Variants in CDKL4 observed in about 807,000 individuals in gnomAD.
CDKL4 encodes cyclin-dependent kinase-like 4.
Under a neutral mutation model 42.0 loss-of-function variants are expected in CDKL4, and 44 were observed. The ratio of observed to expected loss-of-function variants is 1.05; its 90% CI spans 0.82 to 1.35. CDKL4 has a LOEUF of 1.35. Ranked by LOEUF, CDKL4 falls within the 40% of genes most tolerant of loss-of-function variation. The pLI is 0.00. For missense variants in CDKL4, 393 were observed against 369.9 expected, an observed-to-expected ratio of 1.06 and a Z score of -0.51; for synonymous variants, 120 against 121.6, an observed-to-expected ratio of 0.99 and a Z score of 0.09.
upstream of CDKL4, among the ~76,000 whole-genome samples, chr2:39,246,327 A>G (rs574301410): frequency 9.3e-4 from 142 of 152,340 alleles, 1 homozygote; most frequent in African/African-American, 3.0e-3. Flanking sequence ...TAAAATTCAC[A>G]TCTATCCAAT....
At chr2:39,193,668 C>G (rs1676334917) in intron 5 of CDKL4, among the ~76,000 whole-genome samples, 1 of 152,082 alleles carries the variant, frequency 6.6e-6, no homozygotes, top group African/African-American at 2.4e-5. Flanking sequence ...AGCCACTGTG[C>G]CTGGCCCGTT....
chr2:39,242,852 C>G (rs1679728255), intron 1 of CDKL4, among the ~76,000 whole-genome samples: 1 of 151,992 alleles, frequency 6.6e-6, no homozygotes, highest in South Asian at 2.1e-4. Context: ...AATCCCAGCA[C>G]TTTGGGAGGT....
chr2:39,198,313 G>A (rs535346103), intron 5 of CDKL4, among the ~76,000 whole-genome samples: 8 of 147,454 alleles, frequency 5.4e-5, no homozygotes, highest in Non-Finnish European at 4.5e-5. Context: ...AAATATATAC[G>A]CACCTAACAT....
chr2:39,218,074 T>C (rs1247314635), intron 3 of CDKL4, among the ~76,000 whole-genome samples: 1 of 151,924 alleles, frequency 6.6e-6, no homozygotes, highest in Non-Finnish European at 1.5e-5. Context: ...GTTAATAACA[T>C]TTTACTTCTA....
chr2:39,182,057 C>T (rs1294253964), intron 8 of CDKL4, among the ~76,000 whole-genome samples: 1 of 152,154 alleles, frequency 6.6e-6, no homozygotes, highest in Non-Finnish European at 1.5e-5. Context: ...TCATGGCTCA[C>T]TGCGGCCTTC....
chr2:39,244,567 T>A (rs1679826682), upstream of CDKL4, among the ~76,000 whole-genome samples: 1 of 152,184 alleles, frequency 6.6e-6, no homozygotes, highest in Admixed American at 6.5e-5. Flanking sequence ...ACCCCCTCCA[T>A]GGGTTCCTGT....
chr2:39,231,034 A>C (rs1441126032), intron 1 of CDKL4, among the ~76,000 whole-genome samples: 3 of 152,104 alleles, frequency 2.0e-5, no homozygotes, highest in African/African-American at 7.2e-5. Flanking sequence ...ACATGGTGAA[A>C]CCCTGTCTCT....
chr2:39,181,454 C>T (rs1056399659), intron 8 of CDKL4, among the ~76,000 whole-genome samples: 11 of 152,162 alleles, frequency 7.2e-5, no homozygotes, highest in Non-Finnish European at 1.2e-4. Context: ...TCCAGACCTC[C>T]CCTGTGAACT....
intron 8 of CDKL4, among the ~76,000 whole-genome samples, chr2:39,184,091 C>T (rs1392204254): frequency 1.3e-5 from 2 of 152,174 alleles, no homozygotes; most frequent in Admixed American, 1.3e-4. Flanking sequence ...TCAAAAGTTC[C>T]CAGGCCATTC....
rs1264183800 is a variant in CDKL4, at chr2:39,226,296, T to C, written c.169-336A>G. 2.2e-4 allele frequency among the ~76,000 whole-genome samples: 34 copies of C among 151,508 alleles called. 1 individual carries two copies. Among genetic ancestry groups the C allele is most frequent in the Admixed American group, 2.1e-3 (32 of 15,180 alleles). On this transcript the variant is annotated intron_variant, in intron 2 of 9. Transcript: ENST00000451199. ...AGCTTACATATTGCCATGGATTTTA[T>C]GGATTTAAATCCAGTCTGGATTCTA...
chr2:39,234,913 G>C (rs566380246), intron 1 of CDKL4, among the ~76,000 whole-genome samples: 36 of 150,856 alleles, frequency 2.4e-4, no homozygotes, highest in Non-Finnish European at 3.2e-4. Context: ...TTTTGAGACA[G>C]GTTCTTGCTC....
chr2:39,240,043 T>C (rs1206716283), intron 1 of CDKL4, among the ~76,000 whole-genome samples: 2 of 151,814 alleles, frequency 1.3e-5, no homozygotes, highest in Non-Finnish European at 2.9e-5. Flanking sequence ...TGAGCTGAGA[T>C]TGTGCCACTG....
chr2:39,188,912 G>C (rs1676004946), intron 6 of CDKL4, among the ~76,000 whole-genome samples: 1 of 152,112 alleles, frequency 6.6e-6, no homozygotes, highest in Non-Finnish European at 1.5e-5. Context: ...GCCTGGAGTA[G>C]TTGCTATTTT....
At chr2:39,211,379 C>G (rs78781873) in intron 4 of CDKL4, among the ~76,000 whole-genome samples, 71 of 152,266 alleles carry the variant, frequency 4.7e-4, no homozygotes, top group African/African-American at 1.7e-3. Context: ...TAGAGCGAGA[C>G]TGTCCCAAAA....
chr2:39,173,982 AC>A (rs1374138837), downstream of CDKL4, among the ~76,000 whole-genome samples: 2 of 151,986 alleles, frequency 1.3e-5, no homozygotes, highest in East Asian at 1.9e-4. Context: ...TGTCTCAAAA[AC>A]AAAAAAAGCA....
At chr2:39,198,829 C>T (rs1208756339) in intron 5 of CDKL4, among the ~76,000 whole-genome samples, 1 of 151,992 alleles carries the variant, frequency 6.6e-6, no homozygotes, top group East Asian at 1.9e-4. Context: ...TGGGATACAG[C>T]AAAGGCAATG....
At chr2:39,168,843 G>C in the CDKL4 span, among the ~76,000 whole-genome samples, 4 of 151,338 alleles carry the variant, frequency 2.6e-5, no homozygotes, top group African/African-American at 7.3e-5. Flanking sequence ...TGCAACCTCT[G>C]TCTCCTGGGT....
At chr2:39,226,328 A>C (rs7583170) in intron 2 of CDKL4, among the ~76,000 whole-genome samples, 2 of 149,714 alleles carry the variant, frequency 1.3e-5, no homozygotes, top group African/African-American at 4.9e-5. Context: ...TCTAGTGTTG[A>C]CTCCCAGTAA....
At chr2:39,175,481 G>T (rs565022021), downstream of CDKL4, among the ~76,000 whole-genome samples, 1 of 152,138 alleles carries the variant, frequency 6.6e-6, no homozygotes, top group Non-Finnish European at 1.5e-5. Context: ...AAACCTGAAC[G>T]ACCTTTCAAG....
Sources: allele counts gnomAD v4.1 joint callset (sites outside exome capture counted in the v4.1 genomes callset), GRCh38; gene constraint gnomAD v4.1.1; transcripts MANE v1.5; gene names NCBI Gene and HGNC (gene_info 2026-07-23, HGNC 2026-07-21).